HUWE1: variants seen among roughly 807,000 people sequenced by gnomAD.
HUWE1 encodes E3 ubiquitin-protein ligase HUWE1.
HUWE1 carries 18 observed loss-of-function variants against 299.4 expected under a neutral mutation model. The observed-to-expected ratio is 0.06, with a 90% CI of 0.04 to 0.09. The LOEUF is 0.09. Ranked by LOEUF, HUWE1 falls within the 10% of genes least tolerant of loss-of-function variation. The probability of loss-of-function intolerance (pLI) is 1.00; values close to 1 mark genes in which losing one functional copy is unlikely to be tolerated. For synonymous variants in HUWE1, 1,317 were observed against 1,286.1 expected (o/e 1.02, Z -0.51); for missense variants, 1,832 against 3,462.3 (o/e 0.53, Z 11.82).
At chrX:53,602,295 T>C (rs950861380) in intron 28 of HUWE1, among the ~76,000 whole-genome samples, 1 of 108,169 alleles carries the variant, frequency 9.2e-6, no homozygotes, top group South Asian at 4.0e-4. Flanking sequence ...CACTGGCAAA[T>C]GTATTCAGAG....
intron 43 of HUWE1, among the ~76,000 whole-genome samples, chrX:53,577,445 CCAA>C (rs1226407338): frequency 9.9e-6 from 1 of 100,911 alleles, no homozygotes; most frequent in Non-Finnish European, 2.0e-5. Flanking sequence ...CATCCCCTTC[CCAA>C]CGTTTTATTA....
At chrX:53,570,386 T>G (rs2062769180) in intron 47 of HUWE1, among the ~76,000 whole-genome samples, 1 of 112,760 alleles carries the variant, frequency 8.9e-6, no homozygotes, top group African/African-American at 3.2e-5. Flanking sequence ...TGAAGCCCCC[T>G]AAAGAAGTGG....
intron 39 of HUWE1, among the ~76,000 whole-genome samples, chrX:53,585,786 A>C (rs888530374): frequency 4.5e-5 from 5 of 111,876 alleles, no homozygotes; most frequent in Non-Finnish European, 7.5e-5. Context: ...TCCCAGGCTC[A>C]AGTGATCTCC....
intron 48 of HUWE1, among the ~76,000 whole-genome samples, chrX:53,569,133 A>C (rs1190061965): frequency 9.0e-6 from 1 of 110,841 alleles, no homozygotes; most frequent in Non-Finnish European, 1.9e-5. Flanking sequence ...CTGAAGTGAC[A>C]CTCCCACCTC....
Position 53,616,834 on chromosome X carries a change from A to G in HUWE1, c.1957+136T>C, listed in dbSNP as rs191827843. On this transcript the variant is annotated intron_variant, in intron 21 of 83. Coordinates refer to ENST00000262854, the MANE Select transcript of HUWE1 (RefSeq NM_031407.7). The stretch of plus-strand genomic sequence containing the variant: ...GAAGCTGAAGTATTCCTTCTGAAGT[A>G]TAATAGAATGTATGATGATAATTCC... 7.9e-6 allele frequency: 4 copies of G among 504,686 alleles called. No individual in the cohort carries two copies. The African/African-American group carries it at 9.6e-5, about 12-fold the overall frequency. 41.6% of individuals were successfully genotyped at this position (504,686 alleles called of 1,213,427 possible). A position where few individuals can be genotyped will look rare whatever the true frequency, so the allele number is the denominator to read the frequency against.
chrX:53,559,607 C>T, intron 56 of HUWE1, 75 bp from the exon 57 acceptor site: 1 of 825,059 alleles, frequency 1.2e-6, no homozygotes, highest in Non-Finnish European at 1.8e-6. Context: ...ATGAGATCCT[C>T]TTCATGCATC....
In HUWE1 at chrX:53,583,885, A is replaced by C. The variant is rs782341034; in HGVS notation, c.5193T>G (p.Thr1731=). Residue 1731 remains threonine (T), a synonymous_variant, in exon 42 of 84, where the codon ACT becomes ACG. Transcript: ENST00000262854. ...TTTCCTCCAGGCTTGTCTCCTTTTCAGTGTTTGTACTCTCTAGGGCCAAAG... is the reference window on the plus strand; with the variant it reads ...TTTCCTCCAGGCTTGTCTCCTTTTCCGTGTTTGTACTCTCTAGGGCCAAAG... ...DTPLALESTN[T]EKETSLEETK... The C allele has an allele frequency of 1.7e-6, 2 of 1,207,835 alleles. No homozygotes were observed. The highest frequency in any genetic ancestry group is 3.5e-5 in the South Asian group (2 of 56,701).
intron 81 of HUWE1, 43 bp from the exon 82 acceptor site, chrX:53,534,740 C>G (rs1556910352): frequency 8.7e-7 from 1 of 1,143,832 alleles, no homozygotes; most frequent in African/African-American, 1.8e-5. Context: ...TAAACTCACA[C>G]AACCGTAGAG....
intron 7 of HUWE1, among the ~76,000 whole-genome samples, chrX:53,643,202 T>C (rs1366968596): frequency 8.9e-6 from 1 of 112,016 alleles, no homozygotes; most frequent in Non-Finnish European, 1.9e-5. Flanking sequence ...GTTTATGCCA[T>C]GGGGATTTTA....
intron 74 of HUWE1, among the ~76,000 whole-genome samples, chrX:53,541,907 G>A (rs781815901): frequency 3.6e-5 from 4 of 111,894 alleles, no homozygotes; most frequent in Admixed American, 2.8e-4. Flanking sequence ...TGGGCTGGGC[G>A]CAGTGGCTCA....
intron 75 of HUWE1, 70 bp from the exon 76 acceptor site, chrX:53,539,150 C>A: frequency 9.5e-7 from 1 of 1,051,035 alleles, no homozygotes; most frequent in Non-Finnish European, 1.3e-6. Flanking sequence ...TCTTTGCCAT[C>A]ATAAACAAAT....
intron 43 of HUWE1, among the ~76,000 whole-genome samples, chrX:53,578,467 C>T (rs1361088971): frequency 1.4e-4 from 14 of 96,716 alleles, no homozygotes; most frequent in East Asian, 3.5e-4. Context: ...CCAGTCGCCC[C>T]GTCCAGGAGG....
At chrX:53,547,611 A>G in intron 68 of HUWE1, 62 bp downstream of exon 68, 1 of 1,190,112 alleles carries the variant, frequency 8.4e-7, no homozygotes, top group East Asian at 3.0e-5. Flanking sequence ...CTGGATGGAA[A>G]AGGGGGTGAA....
chrX:53,565,158 A>G lies in HUWE1; in HGVS notation c.6789T>C (p.Leu2263=). ...TGCTAGAAGCACTCTTGCTGCCAAA[A>G]AGGCTACTGGGCTGGTTCACAATCC... ...LSRIVNQPSS[L]FGSKSASSKN... is the part of the protein sequence containing the mutation. Residue 2263 remains leucine (L), a synonymous_variant, in exon 50 of 84, where the codon CTT becomes CTC. Coordinates refer to ENST00000262854, the MANE Select transcript of HUWE1 (RefSeq NM_031407.7). 8.3e-7 allele frequency: 1 copy of G among 1,211,248 alleles called. No individual in the cohort carries two copies. The highest frequency in any genetic ancestry group is 1.1e-6 in the Non-Finnish European group (1 of 894,955).
Position 53,565,288 on chromosome X carries a change from T to C in HUWE1, c.6708-49A>G, listed in dbSNP as rs181653382. On this transcript the variant is annotated intron_variant, in intron 49 of 83. Transcript: ENST00000262854. ...ATGGACTGAGCACAGAAATACTAGG[T>C]GTCTATCTTCTAAATGACACTAAGC... 4.8e-6 allele frequency: 5 copies of C among 1,051,650 alleles called. No homozygotes were observed. The African/African-American group carries it at 7.4e-5, about 16-fold the overall frequency. The allele number at this position is 1,051,650 out of a possible 1,213,427, so 86.7% of individuals were successfully genotyped here.
chrX:53,600,109 A>C lies in HUWE1; in HGVS notation c.3163+9T>G, dbSNP rs144602282. 2 of 1,202,627 alleles carry C rather than the reference A, an allele frequency of 1.7e-6. No individual in the cohort carries two copies. Among genetic ancestry groups the C allele is most frequent in the East Asian group, 5.9e-5 (2 of 33,772 alleles). ...GCCAGAAAAGGTAGGAGAAAGGAGA[A>C]TGACTCACCTGATAACAAAGGCTTG... On this transcript the variant is annotated intron_variant, in intron 29 of 83. Transcript: ENST00000262854.
intron 24 of HUWE1, among the ~76,000 whole-genome samples, chrX:53,608,114 A>G (rs2065242700): frequency 8.9e-6 from 1 of 112,289 alleles, no homozygotes; most frequent in Non-Finnish European, 1.9e-5. Context: ...ATGCAAATGA[A>G]ACACTGAACT....
chrX:53,617,529 T>C (rs1188363201), intron 19 of HUWE1, 83 bp from the exon 20 acceptor site: 3 of 581,659 alleles, frequency 5.2e-6, no homozygotes, highest in Non-Finnish European at 8.8e-6. Context: ...TAAAAAAAAA[T>C]ACATACTCAA....
chrX:53,592,690 T>A, intron 32 of HUWE1, 62 bp from the exon 33 acceptor site: 1 of 825,188 alleles, frequency 1.2e-6, no homozygotes, highest in Non-Finnish European at 1.8e-6. Context: ...TCAGAAGGAT[T>A]AAGTTAAAGA....
Sources: allele counts gnomAD v4.1 joint callset (sites outside exome capture counted in the v4.1 genomes callset), GRCh38; gene constraint gnomAD v4.1.1; transcripts MANE v1.5; gene names NCBI Gene and HGNC (gene_info 2026-07-23, HGNC 2026-07-21).